The following PPFIA2 variants were observed in gnomAD, a reference collection of about 807,000 sequenced individuals.
The protein encoded by PPFIA2 is liprin-alpha-2.
A neutral mutation model predicts 175.5 loss-of-function variants in PPFIA2; 46 were observed. That is an observed-to-expected ratio of 0.26 (90% CI 0.21 to 0.34). PPFIA2 has a LOEUF of 0.34. PPFIA2 is among the 10% of genes least tolerant of loss of function. PPFIA2 has a pLI of 1.00. For missense variants in PPFIA2, 1,179 were observed against 1,506.1 expected, an observed-to-expected ratio of 0.78 and a Z score of 3.60; for synonymous variants, 568 against 511.4, an observed-to-expected ratio of 1.11 and a Z score of -1.49.
chr12:81,534,120 T>C (rs2065042179), intron 4 of PPFIA2, among the ~76,000 whole-genome samples: 1 of 151,522 alleles, frequency 6.6e-6, no homozygotes, highest in Non-Finnish European at 1.5e-5. Context: ...AAATTTTCCT[T>C]TCATGGAGGT....
At chr12:81,647,704 T>C (rs1047959853) in intron 4 of PPFIA2, among the ~76,000 whole-genome samples, 32 of 149,608 alleles carry the variant, frequency 2.1e-4, no homozygotes, top group African/African-American at 7.6e-4. Context: ...GAGCTTGCAG[T>C]GAGCCAAGAT....
intron 4 of PPFIA2, chr12:81,545,993 ATGTGCC>A (rs1258854153): frequency 1.3e-5 from 2 of 152,104 alleles, no homozygotes; most frequent in African/African-American, 4.8e-5. Context: ...AGGTGGTGGC[ATGTGCC>A]TGTAATCCCA....
chr12:81,595,161 G>A (rs1278115063), intron 4 of PPFIA2, among the ~76,000 whole-genome samples: 1 of 151,496 alleles, frequency 6.6e-6, no homozygotes, highest in Non-Finnish European at 1.5e-5. Flanking sequence ...CAAAGATAAA[G>A]CTATGAAAGA....
intron 4 of PPFIA2, among the ~76,000 whole-genome samples, chr12:81,522,910 T>C (rs1007821080): frequency 1.3e-5 from 2 of 152,186 alleles, no homozygotes; most frequent in Non-Finnish European, 2.9e-5. Flanking sequence ...TAGAGGTTTT[T>C]CTAATTAGTG....
At chr12:81,571,352 A>G (rs1197920555) in intron 4 of PPFIA2, among the ~76,000 whole-genome samples, 3 of 152,128 alleles carry the variant, frequency 2.0e-5, no homozygotes, top group Admixed American at 2.0e-4. Context: ...AAAAACAGGC[A>G]GAATATTAGA....
At chr12:81,644,465 A>T (rs538456785) in intron 4 of PPFIA2, among the ~76,000 whole-genome samples, 3 of 152,184 alleles carry the variant, frequency 2.0e-5, no homozygotes, top group Non-Finnish European at 4.4e-5. Flanking sequence ...TTCTAAGATA[A>T]TTAATACTTA....
chr12:81,365,810 AG>A (rs2033045370), intron 14 of PPFIA2, among the ~76,000 whole-genome samples: 1 of 151,824 alleles, frequency 6.6e-6, no homozygotes, highest in African/African-American at 2.4e-5. Flanking sequence ...ATTGTTCTAA[AG>A]ACCTATCTTT....
In PPFIA2 at chr12:81,750,281, T is replaced by C. The variant is rs1484844916; in HGVS notation, c.249+3692A>G. On this transcript the variant is annotated intron_variant, in intron 3 of 32. Transcript: ENST00000549396. ...ATTCAAGCATATAATGTGACATATTTACAACACCAGAAATGTTAGGAGATG... is the reference window on the plus strand; with the variant it reads ...ATTCAAGCATATAATGTGACATATTCACAACACCAGAAATGTTAGGAGATG... 1.4e-5 allele frequency among the ~76,000 whole-genome samples: 2 copies of C among 143,818 alleles called. 1 individual carries two copies. The highest frequency in any genetic ancestry group is 4.9e-5 in the African/African-American group (2 of 41,016). The allele number at this position is 143,818 out of a possible 152,430, so 94.4% of individuals were successfully genotyped here. A position where few individuals can be genotyped will look rare whatever the true frequency, so the allele number is the denominator to read the frequency against.
At chr12:81,366,919 G>C (rs1224562926) in intron 14 of PPFIA2, among the ~76,000 whole-genome samples, 189 bp downstream of exon 14, 1 of 151,524 alleles carries the variant, frequency 6.6e-6, no homozygotes, top group Non-Finnish European at 1.5e-5. Context: ...GTGAATTTGG[G>C]TTACAAAGAT....
chr12:81,365,252 T>C (rs1161977163), intron 14 of PPFIA2, among the ~76,000 whole-genome samples: 2 of 151,846 alleles, frequency 1.3e-5, no homozygotes, highest in Non-Finnish European at 2.9e-5. Flanking sequence ...GATAATGGAC[T>C]GTGAGTACAG....
At chr12:81,477,332 G>GGT in intron 4 of PPFIA2, among the ~76,000 whole-genome samples, 1 of 152,252 alleles carries the variant, frequency 6.6e-6, no homozygotes. Flanking sequence ...GCTTTCACCT[G>GGT]GAAAGCCTTT....
At position 81,526,844 on chromosome 12, in the gene PPFIA2, A is replaced by G. The variant is rs535991301; in HGVS notation, c.304-68978T>C. Reference sequence around the variant, plus strand: ...TTGCATATCATTGATATCTATTTTAATTGGTAGATACAGTCACTCATATAT... The same window carrying G: ...TTGCATATCATTGATATCTATTTTAGTTGGTAGATACAGTCACTCATATAT... On this transcript the variant is annotated intron_variant, in intron 4 of 32. Coordinates refer to ENST00000549396, the MANE Select transcript of PPFIA2 (RefSeq NM_003625.5). Among the ~76,000 whole-genome samples the G allele has an allele frequency of 2.0e-5, 3 of 152,262 alleles. No homozygotes were observed. The East Asian group carries it at 5.8e-4, about 29-fold the overall frequency.
intron 22 of PPFIA2, among the ~76,000 whole-genome samples, chr12:81,307,160 A>G (rs1273895868): frequency 6.6e-6 from 1 of 152,222 alleles, no homozygotes; most frequent in East Asian, 1.9e-4. Context: ...CCAATCTACA[A>G]TTATCCTCTT....
intron 15 of PPFIA2, among the ~76,000 whole-genome samples, chr12:81,359,683 T>C (rs2061347383): frequency 6.6e-6 from 1 of 151,926 alleles, no homozygotes; most frequent in African/African-American, 2.4e-5. Context: ...TGGGTTCCTT[T>C]TTCCTGTGGC....
intron 22 of PPFIA2, among the ~76,000 whole-genome samples, chr12:81,318,692 C>G (rs974992631): frequency 6.6e-6 from 1 of 151,730 alleles, no homozygotes; most frequent in Admixed American, 6.6e-5. Flanking sequence ...ATTTGTGAAG[C>G]CCCTTTGGTT....
chr12:81,267,024 T>C lies in PPFIA2; in HGVS notation c.3487-4A>G. The stretch of plus-strand genomic sequence containing the variant: ...CTCTTTCAAGAATCTGCCTTGCCTG[T>C]TGACGTCAAATTACAGTTACCATCA... On this transcript the variant is annotated splice_region_variant and splice_polypyrimidine_tract_variant and intron_variant, in intron 29 of 32. Transcript: ENST00000549396. 2 of 1,610,754 alleles carry C rather than the reference T, an allele frequency of 1.2e-6. No homozygotes were observed. Among genetic ancestry groups the C allele is most frequent in the Non-Finnish European group, 1.7e-6 (2 of 1,177,534 alleles).
chr12:81,687,640 G>C (rs527860449), intron 3 of PPFIA2: 2 of 151,988 alleles, frequency 1.3e-5, no homozygotes, highest in Non-Finnish European at 2.9e-5. Context: ...CAGAGAACAG[G>C]TTCAAGCCTG....
chr12:81,457,742 C>A, intron 5 of PPFIA2, 23 bp downstream of exon 5: 1 of 1,473,896 alleles, frequency 6.8e-7, no homozygotes, highest in South Asian at 1.3e-5. Flanking sequence ...GAATTAATTC[C>A]AAAAAGGCTG....
intron 7 of PPFIA2, among the ~76,000 whole-genome samples, chr12:81,425,397 T>C (rs949853014): frequency 6.6e-6 from 1 of 152,236 alleles, no homozygotes; most frequent in Non-Finnish European, 1.5e-5. Flanking sequence ...CAGGATGGAA[T>C]GCAGTGGCGC....
Sources: gnomAD v4.1 joint callset for allele counts (sites outside exome capture counted in the v4.1 genomes callset) on GRCh38, gnomAD v4.1.1 for gene constraint, MANE v1.5 for transcripts, NCBI Gene and HGNC (gene_info 2026-07-23, HGNC 2026-07-21) for gene names.